The following MAP4K5 variants were observed in gnomAD, a reference collection of about 807,000 sequenced individuals.
MAP4K5 encodes MAPK/ERK kinase kinase kinase 5.
A neutral mutation model predicts 135.6 loss-of-function variants in MAP4K5; 82 were observed. The observed-to-expected ratio is 0.60, with a 90% CI of 0.51 to 0.73. MAP4K5 has a LOEUF of 0.73. Among genes scored for constraint, MAP4K5 ranks in the 30% least tolerant of loss-of-function variants. MAP4K5 has a pLI of 0.00. For missense variants in MAP4K5, 907 were observed against 1,010.9 expected (o/e 0.90, Z 1.39); for synonymous variants, 347 against 335.0 (o/e 1.04, Z -0.39).
chr14:50,522,260 C>T (rs2131841), intron 2 of MAP4K5, among the ~76,000 whole-genome samples: 151,035 of 152,080 alleles, frequency 0.99, 75,012 homozygotes, highest in Middle Eastern at 1. Context: ...CTGGGGACTA[C>T]ACTAGTGATG....
chr14:50,502,327 C>T (rs7144270), intron 3 of MAP4K5, among the ~76,000 whole-genome samples: 2,239 of 152,154 alleles, frequency 0.015, 43 homozygotes, highest in African/African-American at 0.052. Context: ...GCAAAAACCA[C>T]GAAAAACATT....
At chr14:50,424,571 G>T (rs2035803451) in intron 31 of MAP4K5, among the ~76,000 whole-genome samples, 1 of 151,860 alleles carries the variant, frequency 6.6e-6, no homozygotes, top group Admixed American at 6.6e-5. Context: ...TTAGCTGGGT[G>T]TGTTGGTGCA....
intron 2 of MAP4K5, among the ~76,000 whole-genome samples, chr14:50,520,089 G>A (rs2038116383): frequency 6.6e-6 from 1 of 152,202 alleles, no homozygotes; most frequent in Non-Finnish European, 1.5e-5. Context: ...CTGGGGCTGG[G>A]CGTGGTGGCT....
At chr14:50,474,921 T>G (rs1425348617) in intron 9 of MAP4K5, among the ~76,000 whole-genome samples, 156 bp downstream of exon 9, 1 of 152,156 alleles carries the variant, frequency 6.6e-6, no homozygotes, top group African/African-American at 2.4e-5. Context: ...AATATGAGCA[T>G]CAAAGTTCCC....
upstream of MAP4K5, among the ~76,000 whole-genome samples, chr14:50,536,396 A>T: frequency 6.7e-6 from 1 of 149,056 alleles, no homozygotes; most frequent in African/African-American, 2.5e-5. Flanking sequence ...AGATTGCACC[A>T]TTGCACTCCA....
At chr14:50,491,651 C>T (rs1298499081) in intron 3 of MAP4K5, among the ~76,000 whole-genome samples, 1 of 151,588 alleles carries the variant, frequency 6.6e-6, no homozygotes, top group African/African-American at 2.4e-5. Flanking sequence ...TGAACTAATA[C>T]CAAAAACTAT....
At chr14:50,427,586 G>A (rs1384347587) in intron 30 of MAP4K5, among the ~76,000 whole-genome samples, 1 of 151,850 alleles carries the variant, frequency 6.6e-6, no homozygotes, top group African/African-American at 2.4e-5. Flanking sequence ...ATTTTTTATG[G>A]CCCAAATAAA....
In MAP4K5 at chr14:50,548,578, C is replaced by T. The variant is rs569312553; in HGVS notation, c.-179-5994G>A. ...AGGCTGGAGTGCAGTGGCGTGATCT[C>T]GGGTCACTGCAAGCTCCACCTCCCA... On this transcript the variant is annotated intron_variant, in intron 1 of 8. Transcript: ENST00000555216. 2.8e-3 allele frequency among the ~76,000 whole-genome samples: 420 copies of T among 152,132 alleles called. 2 individuals are homozygous for T. The highest frequency in any genetic ancestry group is 4.9e-3 in the Non-Finnish European group (334 of 67,982).
chr14:50,422,366 A>G (rs1310117643), intron 32 of MAP4K5, among the ~76,000 whole-genome samples: 2 of 152,174 alleles, frequency 1.3e-5, no homozygotes, highest in Non-Finnish European at 2.9e-5. Context: ...TTATGGAGTT[A>G]TAACTCCATT....
intron 6 of MAP4K5, among the ~76,000 whole-genome samples, chr14:50,481,294 A>C (rs35411710): frequency 0.092 from 13,698 of 149,214 alleles, 815 homozygotes; most frequent in Non-Finnish European, 0.13. Flanking sequence ...ACACATCTCT[A>C]TATATATATA....
chr14:50,503,693 CTCAAG>C (rs1253981335), intron 3 of MAP4K5, among the ~76,000 whole-genome samples: 1 of 152,016 alleles, frequency 6.6e-6, no homozygotes, highest in Non-Finnish European at 1.5e-5. Flanking sequence ...AAGCCATACC[CTCAAG>C]TCAAGTAAGT....
At position 50,468,592 on chromosome 14, in the gene MAP4K5, C is replaced by T. The variant is rs1440126518; in HGVS notation, c.674+59G>A. Reference sequence around the variant, plus strand: ...AATGAGCTTGATGCTGAGTTATCAGCATTTCACTTTCCCCATAGACTTGAT... The same window carrying T: ...AATGAGCTTGATGCTGAGTTATCAGTATTTCACTTTCCCCATAGACTTGAT... On this transcript the variant is annotated intron_variant, in intron 10 of 32. Coordinates refer to ENST00000682126, the MANE Select transcript of MAP4K5 (RefSeq NM_006575.6). 1.2e-5 allele frequency: 19 copies of T among 1,531,136 alleles called. No individual in the cohort carries two copies. The East Asian group carries it at 3.8e-4, about 31-fold the overall frequency. 94.8% of individuals were successfully genotyped at this position (1,531,136 alleles called of 1,614,324 possible). A position where few individuals can be genotyped will look rare whatever the true frequency, so the allele number is the denominator to read the frequency against.
chr14:50,508,525 T>C (rs141214768), intron 2 of MAP4K5, among the ~76,000 whole-genome samples: 4 of 151,852 alleles, frequency 2.6e-5, no homozygotes, highest in African/African-American at 9.7e-5. Context: ...ATGAGAACAC[T>C]TGGACACAGG....
chr14:50,540,099 A>T (rs2038542098), intron 2 of MAP4K5, among the ~76,000 whole-genome samples: 1 of 152,192 alleles, frequency 6.6e-6, no homozygotes, highest in Non-Finnish European at 1.5e-5. Flanking sequence ...CCCACATTGA[A>T]ACTGGGATCC....
At chr14:50,443,904 T>C (rs1248645445) in intron 19 of MAP4K5, 35 bp downstream of exon 19, 1 of 1,523,426 alleles carries the variant, frequency 6.6e-7, no homozygotes, top group Non-Finnish European at 9.0e-7. Flanking sequence ...TATAGTATTA[T>C]TTACAACTAA....
chr14:50,549,993 A>G (rs1304648749), intron 1 of MAP4K5, among the ~76,000 whole-genome samples: 11 of 152,198 alleles, frequency 7.2e-5, no homozygotes, highest in African/African-American at 1.7e-4. Context: ...CTGTGCTCCT[A>G]AGAACACCAG....
chr14:50,435,081 C>A lies in MAP4K5; in HGVS notation c.1883-16G>T, dbSNP rs1167631566. The A allele has an allele frequency of 4.1e-6, 6 of 1,456,984 alleles. No individual in the cohort carries two copies. The highest frequency in any genetic ancestry group is 2.8e-5 in the African/African-American group (2 of 71,604). The allele number at this position is 1,456,984 out of a possible 1,614,324, so 90.3% of individuals were successfully genotyped here. ...GGGTTTCTGACTGGAAAGAAATAAA[C>A]AAACAAAAAACCCAGACACACTCAA... On this transcript the variant is annotated splice_polypyrimidine_tract_variant and intron_variant, in intron 26 of 32. Coordinates refer to ENST00000682126, the MANE Select transcript of MAP4K5 (RefSeq NM_006575.6).
chr14:50,527,411 C>CA lies in MAP4K5; in HGVS notation c.108+4530dup, dbSNP rs368632426. On this transcript the variant is annotated intron_variant, in intron 2 of 32. Coordinates refer to ENST00000682126, the MANE Select transcript of MAP4K5 (RefSeq NM_006575.6). The stretch of plus-strand genomic sequence containing the variant: ...GGCAAAAGAGCAAGACCCTGTCATC[C>CA]AAAAAAAAAAAAAAATGTACTTTTG... 4.5e-3 allele frequency among the ~76,000 whole-genome samples: 562 copies of CA among 123,518 alleles called. 1 individual carries two copies. Among genetic ancestry groups the CA allele is most frequent in the Middle Eastern group, 0.017 (4 of 232 alleles). The allele number at this position is 123,518 out of a possible 152,430, so 81.0% of individuals were successfully genotyped here.
rs1042804300 is a variant in MAP4K5, at chr14:50,419,330, T to A, written c.*689A>T. The A allele has an allele frequency of 6.6e-6, 1 of 152,176 alleles. No individual in the cohort carries two copies. Among genetic ancestry groups the A allele is most frequent in the East Asian group, 1.9e-4 (1 of 5,196 alleles). The allele number at this position is 152,176 out of a possible 1,614,324, so 9.4% of individuals were successfully genotyped here. On this transcript the variant is annotated 3_prime_UTR_variant, in exon 33 of 33. Transcript: ENST00000682126. ...CTATCTGTAGTTGAAAACATAAGAC[T>A]CCCTTTTAAGGTAATTCTGTATGAA...
Sources: allele counts gnomAD v4.1 joint callset (sites outside exome capture counted in the v4.1 genomes callset), GRCh38; gene constraint gnomAD v4.1.1; transcripts MANE v1.5; gene names NCBI Gene and HGNC (gene_info 2026-07-23, HGNC 2026-07-21).